Variants in KCNT2 observed in about 807,000 individuals in gnomAD.
The protein encoded by KCNT2 is potassium channel subfamily T member 2.
A neutral mutation model predicts 153.8 loss-of-function variants in KCNT2; 67 were observed. The observed-to-expected ratio is 0.44, with a 90% CI of 0.36 to 0.53. The LOEUF (loss-of-function observed/expected upper bound fraction) is 0.53, where lower values mean the gene tolerates loss of function less well. Among genes scored for constraint, KCNT2 ranks in the 20% least tolerant of loss-of-function variants. The probability of loss-of-function intolerance (pLI) is 0.00; values close to 1 mark genes in which losing one functional copy is unlikely to be tolerated. For missense variants in KCNT2, 975 were observed against 1,354.8 expected (o/e 0.72, Z 4.40); for synonymous variants, 500 against 458.8 (o/e 1.09, Z -1.15).
chr1:196,548,532 T>C (rs1173992148), intron 1 of KCNT2, among the ~76,000 whole-genome samples: 2 of 151,828 alleles, frequency 1.3e-5, no homozygotes, highest in Non-Finnish European at 2.9e-5. Context: ...TGTGGAGAAA[T>C]AGGAACACTT....
At chr1:196,547,890 C>T (rs1343253109) in intron 1 of KCNT2, among the ~76,000 whole-genome samples, 1 of 151,582 alleles carries the variant, frequency 6.6e-6, no homozygotes, top group African/African-American at 2.4e-5. Flanking sequence ...ATGGTAACAT[C>T]CAGAAAAAAA....
At chr1:196,506,259 A>C (rs1285867170) in intron 1 of KCNT2, among the ~76,000 whole-genome samples, 1 of 152,178 alleles carries the variant, frequency 6.6e-6, no homozygotes, top group Non-Finnish European at 1.5e-5. Context: ...TTGCTATAGA[A>C]ATTTTAAAAA....
chr1:196,503,497 T>C (rs1215477917), intron 1 of KCNT2, among the ~76,000 whole-genome samples: 1 of 152,072 alleles, frequency 6.6e-6, no homozygotes, highest in East Asian at 1.9e-4. Context: ...TACATAAGAG[T>C]ATAGAAAATA....
intron 13 of KCNT2, among the ~76,000 whole-genome samples, chr1:196,384,109 A>C (rs1044905977): frequency 3.0e-4 from 45 of 152,146 alleles, no homozygotes; most frequent in African/African-American, 1.1e-3. Context: ...ATAAGTTCAT[A>C]ATGCATATGT....
chr1:196,516,696 A>T (rs560918904), intron 1 of KCNT2, among the ~76,000 whole-genome samples: 1 of 152,226 alleles, frequency 6.6e-6, no homozygotes, highest in East Asian at 1.9e-4. Context: ...CCTGTCAAGC[A>T]GGGTACCTAG....
intron 26 of KCNT2, among the ~76,000 whole-genome samples, chr1:196,244,943 A>C (rs1250860642): frequency 6.6e-6 from 1 of 152,130 alleles, no homozygotes; most frequent in Admixed American, 6.5e-5. Flanking sequence ...CAGTCCCAGT[A>C]GTGCTGGCCA....
intron 12 of KCNT2, among the ~76,000 whole-genome samples, chr1:196,421,307 T>C (rs1673181424): frequency 6.6e-6 from 1 of 152,030 alleles, no homozygotes; most frequent in South Asian, 2.1e-4. Flanking sequence ...CAAAGGGTAC[T>C]CTAGAAGGTA....
At chr1:196,607,538 T>A (rs1265243666) in intron 1 of KCNT2, among the ~76,000 whole-genome samples, 1 of 134,936 alleles carries the variant, frequency 7.4e-6, no homozygotes, top group Non-Finnish European at 1.8e-5. Context: ...GTTAAAAAAA[T>A]ATACTAGTTA....
chr1:196,580,367 A>C (rs1007434617), intron 1 of KCNT2, among the ~76,000 whole-genome samples: 2 of 152,114 alleles, frequency 1.3e-5, no homozygotes, highest in African/African-American at 4.8e-5. Context: ...AACTCCACAG[A>C]AGAGAACCAC....
rs917870825 is a variant in KCNT2, at chr1:196,424,415, A to G, written c.1122-1302T>C. ...TTGATTATCTACACCAATGAATACA[A>G]TGATCTAGATTACAGTAGTATCTAA... On this transcript the variant is annotated intron_variant, in intron 11 of 27. Coordinates refer to ENST00000294725, the MANE Select transcript of KCNT2 (RefSeq NM_198503.5). 4.6e-5 allele frequency among the ~76,000 whole-genome samples: 7 copies of G among 151,976 alleles called. No homozygotes were observed. In the East Asian group the frequency reaches 1.4e-3, roughly 29 times the overall value.
chr1:196,451,946 A>C (rs1676247688), intron 8 of KCNT2, among the ~76,000 whole-genome samples: 1 of 151,858 alleles, frequency 6.6e-6, no homozygotes, highest in South Asian at 2.1e-4. Flanking sequence ...CCCCTCTCCT[A>C]GGTTTGCTCA....
At chr1:196,357,214 T>C (rs1667246571) in intron 14 of KCNT2, among the ~76,000 whole-genome samples, 1 of 151,954 alleles carries the variant, frequency 6.6e-6, no homozygotes, top group Non-Finnish European at 1.5e-5. Flanking sequence ...GTGATTACAT[T>C]ATTATGCGGA....
intron 14 of KCNT2, among the ~76,000 whole-genome samples, chr1:196,370,737 A>G (rs1236692185): frequency 6.6e-6 from 1 of 152,158 alleles, no homozygotes; most frequent in Non-Finnish European, 1.5e-5. Flanking sequence ...AGCCTATGTT[A>G]CACAAAAACC....
At chr1:196,447,265 A>G (rs1283063256) in intron 8 of KCNT2, among the ~76,000 whole-genome samples, 4 of 151,686 alleles carry the variant, frequency 2.6e-5, no homozygotes, top group African/African-American at 9.7e-5. Flanking sequence ...TTGGTGGTAG[A>G]TGGTGTAGCA....
intron 1 of KCNT2, among the ~76,000 whole-genome samples, chr1:196,503,722 T>C (rs1680886455): frequency 6.6e-6 from 1 of 152,194 alleles, no homozygotes; most frequent in African/African-American, 2.4e-5. Flanking sequence ...GAGTTATTTG[T>C]ATGAAACTGG....
intron 5 of KCNT2, among the ~76,000 whole-genome samples, chr1:196,477,458 T>TGCA (rs1275020667): frequency 6.6e-6 from 1 of 151,966 alleles, no homozygotes; most frequent in East Asian, 1.9e-4. Flanking sequence ...GGTGGCAGTG[T>TGCA]GCACGTATAG....
chr1:196,344,727 T>C (rs1251590005), intron 14 of KCNT2, among the ~76,000 whole-genome samples: 1 of 152,134 alleles, frequency 6.6e-6, no homozygotes, highest in East Asian at 1.9e-4. Context: ...CACAATGTGG[T>C]AACTTGGAAG....
chr1:196,600,299 C>G (rs1264207791), intron 1 of KCNT2, among the ~76,000 whole-genome samples: 1 of 152,160 alleles, frequency 6.6e-6, no homozygotes, highest in East Asian at 1.9e-4. Flanking sequence ...TCTTAGGGTC[C>G]GCCAATACCG....
At chr1:196,317,380 G>T in intron 20 of KCNT2, 6 of 290,916 alleles carry the variant, frequency 2.1e-5, no homozygotes, top group East Asian at 9.8e-5. Flanking sequence ...GGGATACTTG[G>T]GTCTTTCTTT....
Sources: gnomAD v4.1 joint callset for allele counts (sites outside exome capture counted in the v4.1 genomes callset) on GRCh38, gnomAD v4.1.1 for gene constraint, MANE v1.5 for transcripts, NCBI Gene and HGNC (gene_info 2026-07-23, HGNC 2026-07-21) for gene names.